WASL: variants seen among roughly 807,000 people sequenced by gnomAD.
WASL encodes WASP like actin nucleation promoting factor, also known as actin nucleation-promoting factor WASL.
WASL carries 20 observed loss-of-function variants against 55.5 expected under a neutral mutation model. The ratio of observed to expected loss-of-function variants is 0.36; its 90% CI spans 0.25 to 0.52. The LOEUF is 0.52. Among genes scored for constraint, WASL ranks in the 20% least tolerant of loss-of-function variants. WASL has a pLI of 0.92. For synonymous variants in WASL, 249 were observed against 217.6 expected, an observed-to-expected ratio of 1.14 and a Z score of -1.27; for missense variants, 504 against 622.5, an observed-to-expected ratio of 0.81 and a Z score of 2.03.
At chr7:123,729,787 T>C (rs1166570926) in intron 1 of WASL, among the ~76,000 whole-genome samples, 4 of 152,154 alleles carry the variant, frequency 2.6e-5, no homozygotes, top group African/African-American at 7.2e-5. Flanking sequence ...TCCCTTAATA[T>C]GAGATTGTGA....
At chr7:123,693,271 C>A (rs1333503607) in intron 8 of WASL, among the ~76,000 whole-genome samples, 1 of 152,062 alleles carries the variant, frequency 6.6e-6, no homozygotes. Flanking sequence ...AAAAAAGAAT[C>A]AAGTACACTT....
intron 1 of WASL, among the ~76,000 whole-genome samples, chr7:123,744,359 T>C (rs1179787656): frequency 6.6e-6 from 1 of 152,134 alleles, no homozygotes; most frequent in African/African-American, 2.4e-5. Flanking sequence ...AAACGAGTAA[T>C]TATAATTATT....
chr7:123,732,121 A>G (rs978015132), intron 1 of WASL, among the ~76,000 whole-genome samples: 7 of 152,028 alleles, frequency 4.6e-5, no homozygotes, highest in Non-Finnish European at 1.0e-4. Flanking sequence ...AGATCAGGAG[A>G]TCAAGACCAT....
chr7:123,689,199 A>G (rs1803353852), intron 9 of WASL, 49 bp from the exon 10 acceptor site: 1 of 1,491,026 alleles, frequency 6.7e-7, no homozygotes. Flanking sequence ...TTAGCCAAGA[A>G]TCTTTGTCTC....
chr7:123,702,203 G>A (rs952787248), intron 5 of WASL, among the ~76,000 whole-genome samples: 2 of 151,942 alleles, frequency 1.3e-5, no homozygotes, highest in Non-Finnish European at 2.9e-5. Flanking sequence ...TTACAGACAT[G>A]CGCCACCATG....
intron 1 of WASL, among the ~76,000 whole-genome samples, chr7:123,734,727 T>A (rs750024847): frequency 4.3e-4 from 65 of 152,200 alleles, no homozygotes; most frequent in Non-Finnish European, 3.8e-4. Context: ...GGACATGATG[T>A]TATGTACTTG....
chr7:123,727,456 G>A (rs1303904118), intron 1 of WASL, among the ~76,000 whole-genome samples: 1 of 150,492 alleles, frequency 6.6e-6, no homozygotes, highest in African/African-American at 2.5e-5. Context: ...ATTAACAGAA[G>A]AACAGACAAA....
intron 1 of WASL, among the ~76,000 whole-genome samples, chr7:123,729,611 A>G (rs1228870666): frequency 6.6e-6 from 1 of 152,214 alleles, no homozygotes; most frequent in Admixed American, 6.5e-5. Flanking sequence ...AAAGAGATAC[A>G]ACAACATAAA....
At chr7:123,689,567 A>T (rs184118656) in intron 9 of WASL, among the ~76,000 whole-genome samples, 1 of 152,182 alleles carries the variant, frequency 6.6e-6, no homozygotes, top group Non-Finnish European at 1.5e-5. Context: ...CACACTGAAG[A>T]TATTGAAAAA....
chr7:123,741,663 A>T lies in WASL; in HGVS notation c.117+6955T>A, dbSNP rs182215187. Among the ~76,000 whole-genome samples the T allele has an allele frequency of 2.7e-3, 406 of 152,306 alleles. 1 individual carries two copies. The highest frequency in any genetic ancestry group is 9.2e-3 in the African/African-American group (384 of 41,566). On this transcript the variant is annotated intron_variant, in intron 1 of 10. Coordinates refer to ENST00000223023, the MANE Select transcript of WASL (RefSeq NM_003941.4). Reference sequence around the variant, plus strand: ...ATACTTCCATTAATATTATTTATTTAAAAAATCTATAGAATATGGACAAAA... The same window carrying T: ...ATACTTCCATTAATATTATTTATTTTAAAAATCTATAGAATATGGACAAAA...
At chr7:123,704,679 GAAT>G (rs1203466974) in intron 4 of WASL, 22 bp from the exon 5 acceptor site, 1 of 1,396,876 alleles carries the variant, frequency 7.2e-7, no homozygotes. Flanking sequence ...TAAATTAGAA[GAAT>G]ATTATTAAAT....
intron 9 of WASL, among the ~76,000 whole-genome samples, chr7:123,690,336 A>G (rs561901222): frequency 6.6e-6 from 1 of 152,330 alleles, no homozygotes; most frequent in African/African-American, 2.4e-5. Context: ...ACCTCCTACT[A>G]GCTCTTTAAA....
intron 1 of WASL, among the ~76,000 whole-genome samples, chr7:123,724,158 CG>C (rs1337550455): frequency 6.6e-6 from 1 of 152,100 alleles, no homozygotes; most frequent in Non-Finnish European, 1.5e-5. Context: ...TATTTGAAAA[CG>C]TAACAGGTTC....
chr7:123,721,226 T>C lies in WASL; in HGVS notation c.118-12003A>G, dbSNP rs147707674. 6.3e-3 allele frequency among the ~76,000 whole-genome samples: 955 copies of C among 152,356 alleles called. 9 individuals carry two copies. The highest frequency in any genetic ancestry group is 0.021 in the African/African-American group (884 of 41,578). ...TTTGTCTTCCATATTTGTTATTCTA[T>C]ATTCAGCAATTCAATGATCTAATAA... On this transcript the variant is annotated intron_variant, in intron 1 of 10. Transcript: ENST00000223023.
At chr7:123,692,287 T>C in intron 9 of WASL, 60 bp downstream of exon 9, 2 of 1,541,562 alleles carry the variant, frequency 1.3e-6, no homozygotes, top group South Asian at 1.2e-5. Flanking sequence ...TTTCAATAAA[T>C]TACTTTAAAA....
Position 123,695,976 on chromosome 7 carries a change from T to G in WASL, c.630-111A>C. ...TTGGCTTTGAATTTTTGGTCTGAAC[T>G]AACAGTTCTCACAGACATAACCATA... On this transcript the variant is annotated intron_variant, in intron 6 of 10. Transcript: ENST00000223023. 3.2e-6 allele frequency: 3 copies of G among 936,642 alleles called. No homozygotes were observed. The Admixed American group carries it at 6.5e-5, about 20-fold the overall frequency. The allele number at this position is 936,642 out of a possible 1,614,324, so 58.0% of individuals were successfully genotyped here.
At chr7:123,708,833 T>TAA (rs752760474) in intron 2 of WASL, among the ~76,000 whole-genome samples, 2 of 136,684 alleles carry the variant, frequency 1.5e-5, no homozygotes, top group Admixed American at 7.4e-5. Flanking sequence ...AGGCATAATT[T>TAA]AAAAAAAAAA....
chr7:123,694,438 T>C (rs1266716836), intron 8 of WASL, among the ~76,000 whole-genome samples: 1 of 152,200 alleles, frequency 6.6e-6, no homozygotes, highest in Non-Finnish European at 1.5e-5. Flanking sequence ...TCCTTAAGTA[T>C]AACATTTAGG....
intron 10 of WASL, among the ~76,000 whole-genome samples, chr7:123,685,095 C>G (rs1038953238): frequency 6.6e-6 from 1 of 151,838 alleles, no homozygotes; most frequent in African/African-American, 2.4e-5. Flanking sequence ...TTTTTCACCT[C>G]TTTCACTGCT....
Sources: gnomAD v4.1 joint callset for allele counts (sites outside exome capture counted in the v4.1 genomes callset) on GRCh38, gnomAD v4.1.1 for gene constraint, MANE v1.5 for transcripts, NCBI Gene and HGNC (gene_info 2026-07-23, HGNC 2026-07-21) for gene names.